LRRC1: variants seen among roughly 807,000 people sequenced by gnomAD.
LRRC1 encodes the protein leucine-rich repeat-containing protein 1.
A neutral mutation model predicts 69.9 loss-of-function variants in LRRC1; 28 were observed. The observed-to-expected ratio is 0.40, with a 90% CI of 0.30 to 0.55. LRRC1 has a LOEUF of 0.55. LRRC1 is among the 20% of genes least tolerant of loss of function. LRRC1 has a pLI of 0.47. For synonymous variants in LRRC1, 236 were observed against 240.2 expected (o/e 0.98, Z 0.16); for missense variants, 498 against 609.0 (o/e 0.82, Z 1.92).
chr6:53,823,723 A>G (rs1581854591), intron 1 of LRRC1, among the ~76,000 whole-genome samples: 1 of 152,098 alleles, frequency 6.6e-6, no homozygotes, highest in Admixed American at 6.6e-5. Context: ...CCTCCCACTT[A>G]TAAGTGAGAA....
chr6:53,887,335 A>C (rs1007689554), intron 4 of LRRC1, among the ~76,000 whole-genome samples: 1 of 152,210 alleles, frequency 6.6e-6, no homozygotes, highest in South Asian at 2.1e-4. Context: ...AGAACTGGTA[A>C]GCTTCTTCCT....
intron 1 of LRRC1, among the ~76,000 whole-genome samples, chr6:53,814,947 A>G (rs1203096088): frequency 6.6e-6 from 1 of 152,212 alleles, no homozygotes; most frequent in Non-Finnish European, 1.5e-5. Flanking sequence ...ACATGCATGT[A>G]AACCAGGCTC....
Position 53,795,237 on chromosome 6 carries a change from A to G in LRRC1, c.-20A>G, listed in dbSNP as rs1764253771. ...GGTCTCCGCCGCTCGGGACCCGGCT[A>G]GGCGGCGGCGGGGGCGGCGATGTTC... On this transcript the variant is annotated 5_prime_UTR_variant, in exon 1 of 14. Coordinates refer to ENST00000370888, the MANE Select transcript of LRRC1 (RefSeq NM_018214.5). 3 of 1,585,758 alleles carry G rather than the reference A, an allele frequency of 1.9e-6. No homozygotes were observed. The highest frequency in any genetic ancestry group is 2.6e-6 in the Non-Finnish European group (3 of 1,169,712).
At chr6:53,918,906 A>C (rs1768651690) in intron 11 of LRRC1, 1 of 152,182 alleles carries the variant, frequency 6.6e-6, no homozygotes, top group African/African-American at 2.4e-5. Flanking sequence ...AGAAACTGAG[A>C]GATAAAGGTT....
At chr6:53,834,956 C>T (rs557771206) in intron 1 of LRRC1, among the ~76,000 whole-genome samples, 16 of 152,164 alleles carry the variant, frequency 1.1e-4, no homozygotes, top group African/African-American at 2.9e-4. Context: ...AGCGAGACTC[C>T]GTCTCAAAAA....
chr6:53,809,993 A>G (rs1288535295), intron 1 of LRRC1, among the ~76,000 whole-genome samples: 4 of 152,264 alleles, frequency 2.6e-5, no homozygotes, highest in Admixed American at 6.5e-5. Context: ...GCCACCAGCA[A>G]GGCTGACAGT....
intron 1 of LRRC1, among the ~76,000 whole-genome samples, chr6:53,834,305 C>T (rs1765546665): frequency 6.6e-6 from 1 of 152,174 alleles, no homozygotes; most frequent in Admixed American, 6.5e-5. Flanking sequence ...GCAGCAACCC[C>T]ACTTATGTGC....
intron 1 of LRRC1, among the ~76,000 whole-genome samples, chr6:53,813,536 G>GT (rs373976626): frequency 0.022 from 2,763 of 123,530 alleles, 131 homozygotes; most frequent in African/African-American, 0.056. Context: ...TGGCTCAGTG[G>GT]TTTTTTTTTT....
chr6:53,870,957 A>G (rs2127426910), intron 2 of LRRC1, among the ~76,000 whole-genome samples: 1 of 152,346 alleles, frequency 6.6e-6, no homozygotes. Flanking sequence ...TGTTGTCTCA[A>G]ATGACATTGA....
intron 1 of LRRC1, among the ~76,000 whole-genome samples, chr6:53,807,352 G>A (rs974944330): frequency 6.6e-6 from 1 of 152,174 alleles, no homozygotes; most frequent in African/African-American, 2.4e-5. Context: ...ATCTAGAAAG[G>A]CAAATAAATC....
chr6:53,803,188 G>A (rs546483030), intron 1 of LRRC1, among the ~76,000 whole-genome samples: 28 of 152,308 alleles, frequency 1.8e-4, no homozygotes, highest in Non-Finnish European at 1.5e-4. Context: ...CCACTCTTGA[G>A]ATTTACACAA....
At position 53,919,491 on chromosome 6, in the gene LRRC1, A is replaced by AAAAAC; in HGVS notation, c.1107-4_1107-3insACAAA. 3.3e-6 allele frequency: 5 copies of AAAAAC among 1,519,798 alleles called. No homozygotes were observed. Among genetic ancestry groups the AAAAAC allele is most frequent in the Non-Finnish European group, 4.4e-6 (5 of 1,140,852 alleles). The allele number at this position is 1,519,798 out of a possible 1,614,324, so 94.1% of individuals were successfully genotyped here. ...GTCTCTTTTTTTAAAAAAAAAAAAA[A>AAAAAC]AAACAGGTTGCTGCATCTACCTTTA... On this transcript the variant is annotated splice_polypyrimidine_tract_variant and splice_region_variant and intron_variant, in intron 11 of 13. Transcript: ENST00000370888.
rs111738969 is a variant in LRRC1 at position 53,865,136 on chromosome 6, A to T, written c.278-13857A>T. On this transcript the variant is annotated intron_variant, in intron 2 of 13. Coordinates refer to ENST00000370888, the MANE Select transcript of LRRC1 (RefSeq NM_018214.5). ...AATTCAGTGTGCTAACAAGAATATT[A>T]ATCTGCTGTAATAATTCCTCTCCTC... Among the ~76,000 whole-genome samples the T allele has an allele frequency of 2.0e-5, 3 of 152,092 alleles. No individual in the cohort carries two copies. In the East Asian group the frequency reaches 5.8e-4, roughly 29 times the overall value.
intron 10 of LRRC1, chr6:53,904,926 T>C (rs557333308): frequency 1.9e-5 from 3 of 153,898 alleles, no homozygotes; most frequent in Non-Finnish European, 4.3e-5. Flanking sequence ...TGGATGAGGT[T>C]GAACAAACTG....
chr6:53,915,660 C>T (rs374180437), intron 11 of LRRC1, among the ~76,000 whole-genome samples: 1 of 152,218 alleles, frequency 6.6e-6, no homozygotes, highest in South Asian at 2.1e-4. Context: ...TTCTCCAGTT[C>T]TCAGAAAAAG....
At chr6:53,816,247 A>G (rs1364522647) in intron 1 of LRRC1, among the ~76,000 whole-genome samples, 2 of 151,798 alleles carry the variant, frequency 1.3e-5, no homozygotes, top group Non-Finnish European at 2.9e-5. Flanking sequence ...CAAAATTTAC[A>G]TTTTTTTTCT....
At chr6:53,871,945 G>C (rs1444076545) in intron 2 of LRRC1, among the ~76,000 whole-genome samples, 2 of 152,162 alleles carry the variant, frequency 1.3e-5, no homozygotes, top group African/African-American at 2.4e-5. Context: ...TGGGATTACA[G>C]GTATGAGCTA....
chr6:53,875,801 A>G (rs1767047796), intron 2 of LRRC1, among the ~76,000 whole-genome samples: 1 of 152,180 alleles, frequency 6.6e-6, no homozygotes, highest in Non-Finnish European at 1.5e-5. Context: ...ATGTATGGGT[A>G]CATAGTGATG....
chr6:53,838,198 A>C (rs1195396887), intron 1 of LRRC1, among the ~76,000 whole-genome samples: 1 of 152,152 alleles, frequency 6.6e-6, no homozygotes, highest in Admixed American at 6.5e-5. Flanking sequence ...TACCATATTA[A>C]GATCACATCA....
Sources: gnomAD v4.1 joint callset for allele counts (sites outside exome capture counted in the v4.1 genomes callset) on GRCh38, gnomAD v4.1.1 for gene constraint, MANE v1.5 for transcripts, NCBI Gene and HGNC (gene_info 2026-07-23, HGNC 2026-07-21) for gene names.